The following LRRC2 variants were observed in gnomAD, a reference collection of about 807,000 sequenced individuals.
LRRC2 encodes the protein leucine rich repeat containing 2, also known as leucine-rich repeat-containing protein 2.
LRRC2 carries 27 observed loss-of-function variants against 40.2 expected under a neutral mutation model. The observed-to-expected ratio is 0.67, with a 90% CI of 0.49 to 0.93. The LOEUF (loss-of-function observed/expected upper bound fraction) is 0.93, where lower values mean the gene tolerates loss of function less well. LRRC2 is among the 40% of genes least tolerant of loss of function. The pLI is 0.00. For synonymous variants in LRRC2, 147 were observed against 158.9 expected (o/e 0.92, Z 0.56); for missense variants, 402 against 439.6 (o/e 0.91, Z 0.76).
rs1381649182 is a variant in LRRC2 at position 46,518,200 on chromosome 3, C to T, written c.*814G>A. On this transcript the variant is annotated 3_prime_UTR_variant, in exon 9 of 9. Transcript: ENST00000395905. ...GTACCTACAAGTCTCTCCTGGGAGT[C>T]TACACTTGCCAAAATATAACTTAAA... The T allele has an allele frequency of 6.6e-6, 1 of 152,146 alleles. No homozygotes were observed. Among genetic ancestry groups the T allele is most frequent in the African/African-American group, 2.4e-5 (1 of 41,436 alleles). 9.4% of individuals were successfully genotyped at this position (152,146 alleles called of 1,614,324 possible).
intron 3 of LRRC2, among the ~76,000 whole-genome samples, chr3:46,541,582 C>A (rs1704392983): frequency 6.6e-6 from 1 of 152,126 alleles, no homozygotes; most frequent in Non-Finnish European, 1.5e-5. Flanking sequence ...GGTAACCTGG[C>A]TTCCCAGAGC....
intron 6 of LRRC2, among the ~76,000 whole-genome samples, chr3:46,527,868 A>G (rs1021015573): frequency 1.3e-5 from 2 of 151,966 alleles, no homozygotes; most frequent in Admixed American, 1.3e-4. Flanking sequence ...AGTAACTAGG[A>G]CTACAGGCAC....
chr3:46,554,758 T>A (rs1250913731), intron 1 of LRRC2, among the ~76,000 whole-genome samples: 1 of 152,206 alleles, frequency 6.6e-6, no homozygotes, highest in Non-Finnish European at 1.5e-5. Context: ...TTGGTAAATA[T>A]AAAGGAGAAT....
At chr3:46,559,490 T>G (rs945955122) in intron 1 of LRRC2, 2 of 152,260 alleles carry the variant, frequency 1.3e-5, no homozygotes, top group Admixed American at 1.3e-4. Flanking sequence ...CAGACTCTGT[T>G]GTTGAGGTTC....
At chr3:46,537,019 C>G (rs1704280865) in intron 4 of LRRC2, among the ~76,000 whole-genome samples, 1 of 152,202 alleles carries the variant, frequency 6.6e-6, no homozygotes, top group Non-Finnish European at 1.5e-5. Context: ...CTGCCAACCA[C>G]TGGATTCCCA....
chr3:46,533,470 C>T (rs114206884), intron 4 of LRRC2, among the ~76,000 whole-genome samples: 9 of 152,192 alleles, frequency 5.9e-5, no homozygotes, highest in Non-Finnish European at 8.8e-5. Flanking sequence ...ATAAGCCCAT[C>T]ATAAGTTGAA....
In LRRC2 at chr3:46,554,716, A is replaced by C. The variant is rs1274640302; in HGVS notation, c.-19-3106T>G. Among the ~76,000 whole-genome samples, 7 of 152,170 alleles carry C rather than the reference A, an allele frequency of 4.6e-5. No homozygotes were observed. In the East Asian group the frequency reaches 1.4e-3, roughly 29 times the overall value. ...TTTGACAAAAGTTAAAATGATGCAC[A>C]AGTTTTTGTGTGTACATTTGTTGTC... is the stretch of plus-strand genomic sequence containing the variant. On this transcript the variant is annotated intron_variant, in intron 1 of 8. Coordinates refer to ENST00000395905, the MANE Select transcript of LRRC2 (RefSeq NM_024512.5).
At chr3:46,552,857 A>G (rs73069992) in intron 1 of LRRC2, among the ~76,000 whole-genome samples, 7,381 of 152,292 alleles carry the variant, frequency 0.048, 271 homozygotes, top group South Asian at 0.15. Flanking sequence ...CCTGGTTTTC[A>G]AAGAGCAAGG....
chr3:46,536,505 T>A (rs947266812), intron 4 of LRRC2, among the ~76,000 whole-genome samples: 1 of 152,124 alleles, frequency 6.6e-6, no homozygotes, highest in Non-Finnish European at 1.5e-5. Context: ...CAATCCCACA[T>A]TGGTCCCCCA....
At chr3:46,537,167 C>CAAAA (rs1704284261) in intron 4 of LRRC2, among the ~76,000 whole-genome samples, 1 of 152,128 alleles carries the variant, frequency 6.6e-6, no homozygotes, top group Non-Finnish European at 1.5e-5. Context: ...ACCCTGTCAC[C>CAAAA]CAGGCTGGAG....
At chr3:46,540,524 C>CA (rs757946336) in intron 3 of LRRC2, among the ~76,000 whole-genome samples, 1,738 of 87,202 alleles carry the variant, frequency 0.02, 10 homozygotes, top group Middle Eastern at 0.026. Flanking sequence ...GACTCCATCT[C>CA]AAAAAAAAAA....
At chr3:46,522,809 A>ACACC (rs59193633) in intron 7 of LRRC2, among the ~76,000 whole-genome samples, 1 of 147,418 alleles carries the variant, frequency 6.8e-6, no homozygotes, top group Non-Finnish European at 1.5e-5. Context: ...ACACACACAC[A>ACACC]AGCTAAAGGG....
intron 3 of LRRC2, among the ~76,000 whole-genome samples, chr3:46,540,818 G>A (rs1049957435): frequency 1.3e-5 from 2 of 152,168 alleles, no homozygotes; most frequent in South Asian, 2.1e-4. Context: ...CTCTTGATCT[G>A]AATGGAACCC....
chr3:46,546,241 G>A (rs780831964), intron 2 of LRRC2, among the ~76,000 whole-genome samples: 7 of 152,250 alleles, frequency 4.6e-5, no homozygotes, highest in Non-Finnish European at 8.8e-5. Context: ...CATGGTCAAG[G>A]AACAATCCTA....
At chr3:46,550,864 A>T (rs931728166) in intron 2 of LRRC2, among the ~76,000 whole-genome samples, 1 of 152,258 alleles carries the variant, frequency 6.6e-6, no homozygotes, top group Non-Finnish European at 1.5e-5. Flanking sequence ...TGGTTTCTCC[A>T]CAGGGAATAA....
chr3:46,545,134 T>C lies in LRRC2; in HGVS notation c.245A>G (p.Asn82Ser), dbSNP rs747594252. ...SVRLLDKIER[N>S]TLTRQSSLPK... ...AAGTGAACTCTGCCTTGTGAGAGTGTTCCTTTCAATCTTGTCCAGAAGCCG... is the reference window on the plus strand; with the variant it reads ...AAGTGAACTCTGCCTTGTGAGAGTGCTCCTTTCAATCTTGTCCAGAAGCCG... The change falls in exon 3 of 9, where the codon AAC becomes AGC. Residue 82 changes from asparagine to serine, a missense_variant. Transcript: ENST00000395905. The C allele has an allele frequency of 1.9e-5, 31 of 1,614,088 alleles. No individual in the cohort carries two copies. The highest frequency in any genetic ancestry group is 2.6e-5 in the Non-Finnish European group (31 of 1,180,040).
chr3:46,535,978 G>A (rs1323606210), intron 4 of LRRC2, among the ~76,000 whole-genome samples: 1 of 152,136 alleles, frequency 6.6e-6, no homozygotes, highest in Non-Finnish European at 1.5e-5. Context: ...CTTGCTCAAG[G>A]TTACCTTCCA....
chr3:46,530,167 G>C, intron 5 of LRRC2, 117 bp from the exon 6 acceptor site: 1 of 795,198 alleles, frequency 1.3e-6, no homozygotes, highest in East Asian at 2.7e-5. Context: ...TATATGCAAA[G>C]CAGATCAATA....
chr3:46,529,603 C>T (rs1308950596), intron 6 of LRRC2, among the ~76,000 whole-genome samples: 1 of 152,136 alleles, frequency 6.6e-6, no homozygotes, highest in East Asian at 1.9e-4. Flanking sequence ...AATAAATTAA[C>T]TTTTCCACTT....
Sources: gnomAD v4.1 joint callset for allele counts (sites outside exome capture counted in the v4.1 genomes callset) on GRCh38, gnomAD v4.1.1 for gene constraint, MANE v1.5 for transcripts, NCBI Gene and HGNC (gene_info 2026-07-23, HGNC 2026-07-21) for gene names.